CCDC85C: variants seen among roughly 807,000 people sequenced by gnomAD.
CCDC85C encodes coiled-coil domain-containing protein 85C.
CCDC85C carries 18 observed loss-of-function variants against 38.3 expected under a neutral mutation model. The ratio of observed to expected loss-of-function variants is 0.47; its 90% CI spans 0.33 to 0.70. The LOEUF (loss-of-function observed/expected upper bound fraction) is 0.70, where lower values mean the gene tolerates loss of function less well. Among genes scored for constraint, CCDC85C ranks in the 30% least tolerant of loss-of-function variants. CCDC85C has a pLI of 0.03. For missense variants in CCDC85C, 566 were observed against 621.2 expected (o/e 0.91, Z 0.94); for synonymous variants, 264 against 293.8 (o/e 0.90, Z 1.04).
At chr14:99,518,958 C>A (rs1897267215) in intron 3 of CCDC85C, among the ~76,000 whole-genome samples, 1 of 152,228 alleles carries the variant, frequency 6.6e-6, no homozygotes, top group Admixed American at 6.5e-5. Flanking sequence ...GGTGCAGGGG[C>A]CCCCACCTGT....
chr14:99,549,535 C>T (rs578075438), intron 1 of CCDC85C, among the ~76,000 whole-genome samples: 5 of 152,226 alleles, frequency 3.3e-5, no homozygotes, highest in Admixed American at 6.5e-5. Flanking sequence ...CTTGGACAAG[C>T]CCCTTCCCTT....
In CCDC85C at chr14:99,535,894, G is replaced by C; in HGVS notation, c.867+121C>G. 1 of 722,976 alleles carries C rather than the reference G, an allele frequency of 1.4e-6. No individual in the cohort carries two copies. Among genetic ancestry groups the C allele is most frequent in the Non-Finnish European group, 2.4e-6 (1 of 416,968 alleles). The allele number at this position is 722,976 out of a possible 1,614,324, so 44.8% of individuals were successfully genotyped here. On this transcript the variant is annotated intron_variant, in intron 2 of 5. Transcript: ENST00000380243. The surrounding 1 kb of genome is among the most constrained non-coding windows in gnomAD (Gnocchi z 5.5). ...GACCCCACTTTCCAGGAGGTGACAG[G>C]TGGCAGTGGGAGCAGTTGGGGGGAC...
At chr14:99,589,515 A>G (rs1400300173) in intron 1 of CCDC85C, among the ~76,000 whole-genome samples, 1 of 152,170 alleles carries the variant, frequency 6.6e-6, no homozygotes, top group Non-Finnish European at 1.5e-5. Flanking sequence ...CAGGAGCCTC[A>G]CCAACTCTCC....
intron 1 of CCDC85C, among the ~76,000 whole-genome samples, chr14:99,571,579 C>A (rs1898344778): frequency 6.6e-6 from 1 of 152,230 alleles, no homozygotes; most frequent in African/African-American, 2.4e-5. Context: ...CGGGCCCCTC[C>A]ACCACTGGAA....
At chr14:99,592,465 C>T (rs911635323) in intron 1 of CCDC85C, among the ~76,000 whole-genome samples, 2 of 152,220 alleles carry the variant, frequency 1.3e-5, no homozygotes, top group Admixed American at 6.5e-5. Flanking sequence ...GATGTTTTCC[C>T]TCTGGGCAGG....
At chr14:99,584,083 G>A (rs2055002833) in intron 1 of CCDC85C, among the ~76,000 whole-genome samples, 1 of 151,976 alleles carries the variant, frequency 6.6e-6, no homozygotes, top group Non-Finnish European at 1.5e-5. Context: ...TAGAAAAGGG[G>A]GGCTCACTAT....
Position 99,569,202 on chromosome 14 carries a change from G to A in CCDC85C, c.794-33114C>T, listed in dbSNP as rs957932301. On this transcript the variant is annotated intron_variant, in intron 1 of 5. Coordinates refer to ENST00000380243, the MANE Select transcript of CCDC85C (RefSeq NM_001144995.2). The surrounding 1 kb of genome is among the most constrained non-coding windows in gnomAD (Gnocchi z 4.3). ...GTAAGGCCCACGTCGACCCATCTTC[G>A]TGAAGGAAGACCTAAATCCTCCCAA... Among the ~76,000 whole-genome samples, 1 of 152,194 alleles carries A rather than the reference G, an allele frequency of 6.6e-6. No individual in the cohort carries two copies. Among genetic ancestry groups the A allele is most frequent in the African/African-American group, 2.4e-5 (1 of 41,432 alleles).
rs1235824731 is a variant in CCDC85C at position 99,520,952 on chromosome 14, G to A, written c.975+1181C>T. Among the ~76,000 whole-genome samples, 1 of 152,224 alleles carries A rather than the reference G, an allele frequency of 6.6e-6. No homozygotes were observed. Among genetic ancestry groups the A allele is most frequent in the African/African-American group, 2.4e-5 (1 of 41,452 alleles). On this transcript the variant is annotated intron_variant, in intron 3 of 5. Coordinates refer to ENST00000380243, the MANE Select transcript of CCDC85C (RefSeq NM_001144995.2). The surrounding 1 kb of genome is among the most constrained non-coding windows in gnomAD (Gnocchi z 4.1). ...TCCGCACTCTCAGGCCTTGAGGCTC[G>A]GCCCATGCCTGAGGTGTGCTCTCCA...
chr14:99,503,111 A>C lies in CCDC85C; in HGVS notation c.*12135T>G. On this transcript the variant is annotated 3_prime_UTR_variant, in exon 6 of 6. Transcript: ENST00000380243. ...GCAGGGGGTGTTCGCCGAAACTCGC[A>C]GTCCGACTGCTTGTCGGTGGGGAGC... The C allele has an allele frequency of 9.2e-7, 1 of 1,081,154 alleles. No individual in the cohort carries two copies. The highest frequency in any genetic ancestry group is 1.4e-6 in the Non-Finnish European group (1 of 704,474). 67.0% of individuals were successfully genotyped at this position (1,081,154 alleles called of 1,614,324 possible). A position where few individuals can be genotyped will look rare whatever the true frequency, so the allele number is the denominator to read the frequency against.
intron 1 of CCDC85C, among the ~76,000 whole-genome samples, chr14:99,581,755 G>A (rs931480565): frequency 2.0e-5 from 3 of 152,196 alleles, no homozygotes; most frequent in South Asian, 2.1e-4. Context: ...GATGGGGGCT[G>A]ACGACCCTTT....
intron 1 of CCDC85C, among the ~76,000 whole-genome samples, chr14:99,600,298 T>G (rs1484897444): frequency 6.6e-6 from 1 of 152,178 alleles, no homozygotes; most frequent in Non-Finnish European, 1.5e-5. Flanking sequence ...CTGTCCATCT[T>G]ACAGAAGAGG....
In CCDC85C at chr14:99,569,004, G is replaced by A. The variant is rs570881653; in HGVS notation, c.794-32916C>T. On this transcript the variant is annotated intron_variant, in intron 1 of 5. Transcript: ENST00000380243. The surrounding 1 kb of genome is among the most constrained non-coding windows in gnomAD (Gnocchi z 4.3). ...GGGCTGGCGCCTGGCACAGCCCCAG[G>A]TCCATGGGCTAGCTGAGGGTTCCTG... Among the ~76,000 whole-genome samples, 6 of 152,242 alleles carry A rather than the reference G, an allele frequency of 3.9e-5. No individual in the cohort carries two copies. The highest frequency in any genetic ancestry group is 7.4e-5 in the Non-Finnish European group (5 of 68,002).
chr14:99,542,397 A>AT (rs1897731032), intron 1 of CCDC85C, among the ~76,000 whole-genome samples: 1 of 152,198 alleles, frequency 6.6e-6, no homozygotes, highest in Non-Finnish European at 1.5e-5. Flanking sequence ...ACGGACGGAG[A>AT]TGCAGATTCC....
chr14:99,520,246 G>A lies in CCDC85C; in HGVS notation c.975+1887C>T, dbSNP rs991443082. 8.5e-5 allele frequency among the ~76,000 whole-genome samples: 13 copies of A among 152,258 alleles called. No homozygotes were observed. Among genetic ancestry groups the A allele is most frequent in the African/African-American group, 2.9e-4 (12 of 41,548 alleles). On this transcript the variant is annotated intron_variant, in intron 3 of 5. Transcript: ENST00000380243. The surrounding 1 kb of genome is among the most constrained non-coding windows in gnomAD (Gnocchi z 4.1). ...CAGGCAGTGTCTGAGCCCGGAGACG[G>A]CCCTCTCTGGATAACCCCCTCACTC... is the stretch of plus-strand genomic sequence containing the variant.
At chr14:99,566,819 C>G (rs11627095) in intron 1 of CCDC85C, among the ~76,000 whole-genome samples, 64,159 of 152,094 alleles carry the variant, frequency 0.42, 14,197 homozygotes, top group Middle Eastern at 0.51. Flanking sequence ...GCAGCAGGGG[C>G]CTCTCAGGGT....
At chr14:99,523,417 G>C (rs887844825) in intron 2 of CCDC85C, among the ~76,000 whole-genome samples, 1 of 152,136 alleles carries the variant, frequency 6.6e-6, no homozygotes, top group Admixed American at 6.5e-5. Context: ...GCCCTGGCCA[G>C]GCCCCCCACT....
rs561258792 is a variant in CCDC85C, at chr14:99,524,438, A to G, written c.868-2198T>C. On this transcript the variant is annotated intron_variant, in intron 2 of 5. Coordinates refer to ENST00000380243, the MANE Select transcript of CCDC85C (RefSeq NM_001144995.2). ...GTGCTGCCGTCCCCTCCCCTCCCCC[A>G]GATAATTTCCCTGGGAGGAGATGTG... Among the ~76,000 whole-genome samples the G allele has an allele frequency of 2.6e-5, 4 of 152,136 alleles. No homozygotes were observed. In the East Asian group the frequency reaches 7.8e-4, roughly 30 times the overall value.
rs1313846682 is a variant in CCDC85C, at chr14:99,558,151, A to G, written c.794-22063T>C. On this transcript the variant is annotated intron_variant, in intron 1 of 5. Transcript: ENST00000380243. The surrounding 1 kb of genome is among the most constrained non-coding windows in gnomAD (Gnocchi z 4.2). ...GTCTCCTTGAAACCACGAGGTTTCC[A>G]GTGTGGACTGATGGCAGAGAACTCA... Among the ~76,000 whole-genome samples the G allele has an allele frequency of 6.6e-6, 1 of 152,196 alleles. No individual in the cohort carries two copies. Among genetic ancestry groups the G allele is most frequent in the Non-Finnish European group, 1.5e-5 (1 of 68,022 alleles).
chr14:99,601,361 C>T (rs558605113), intron 1 of CCDC85C, among the ~76,000 whole-genome samples: 31 of 152,248 alleles, frequency 2.0e-4, no homozygotes, highest in African/African-American at 7.5e-4. Flanking sequence ...CCTAGTCCTC[C>T]ACTCCTGTAT....
Sources: gnomAD v4.1 joint callset for allele counts (sites outside exome capture counted in the v4.1 genomes callset) on GRCh38, gnomAD v4.1.1 for gene constraint, Gnocchi (gnomAD v3.1) non-coding constraint, MANE v1.5 for transcripts, NCBI Gene and HGNC (gene_info 2026-07-23, HGNC 2026-07-21) for gene names.